CACNA1A: variants seen among roughly 807,000 people sequenced by gnomAD.
CACNA1A encodes the protein calcium voltage-gated channel subunit alpha1 A.
In CACNA1A, 57 loss-of-function variants were observed where a neutral mutation model predicts 262.4. That is an observed-to-expected ratio of 0.22 (90% CI 0.18 to 0.27). The LOEUF (loss-of-function observed/expected upper bound fraction) is 0.27, where lower values mean the gene tolerates loss of function less well. CACNA1A is among the 10% of genes least tolerant of loss of function. The pLI, the probability that CACNA1A is intolerant of heterozygous loss-of-function variation, is 1.00. For synonymous variants in CACNA1A, 1,431 were observed against 1,419.3 expected, an observed-to-expected ratio of 1.01 and a Z score of -0.18; for missense variants, 2,526 against 3,562.8, an observed-to-expected ratio of 0.71 and a Z score of 7.41.
intron 12 of CACNA1A, among the ~76,000 whole-genome samples, chr19:13,310,360 C>A (rs973614930): frequency 1.5e-5 from 2 of 137,272 alleles, no homozygotes; most frequent in African/African-American, 5.5e-5. Flanking sequence ...GAGGCTGAGG[C>A]GGGAGAATGG....
At chr19:13,265,768 C>A (rs1452999697) in intron 24 of CACNA1A, among the ~76,000 whole-genome samples, 1 of 152,128 alleles carries the variant, frequency 6.6e-6, no homozygotes, top group Admixed American at 6.5e-5. Context: ...TAACACCTCC[C>A]TAACACTTAG....
chr19:13,224,067 C>T (rs1260245526), intron 38 of CACNA1A, among the ~76,000 whole-genome samples: 7 of 151,890 alleles, frequency 4.6e-5, no homozygotes, highest in East Asian at 1.9e-4. Context: ...TTTGAGAGGT[C>T]GAGGCAGGTG....
intron 3 of CACNA1A, among the ~76,000 whole-genome samples, chr19:13,432,020 G>T (rs888522955): frequency 2.0e-5 from 3 of 148,308 alleles, no homozygotes; most frequent in Non-Finnish European, 4.4e-5. Context: ...CAGGAGAATC[G>T]CTTGAACCCG....
chr19:13,209,127 G>A, intron 45 of CACNA1A, 118 bp from the exon 46 acceptor site: 4 of 1,436,062 alleles, frequency 2.8e-6, no homozygotes, highest in Non-Finnish European at 3.7e-6. Context: ...CTGAACCGAG[G>A]CAGGTCAGTG....
chr19:13,353,867 T>C (rs1237160495), intron 6 of CACNA1A, among the ~76,000 whole-genome samples: 1 of 152,194 alleles, frequency 6.6e-6, no homozygotes, highest in Non-Finnish European at 1.5e-5. Flanking sequence ...CCTGATTGCC[T>C]GACCTAGACT....
chr19:13,223,838 C>A (rs115630547), intron 38 of CACNA1A, among the ~76,000 whole-genome samples: 1 of 152,096 alleles, frequency 6.6e-6, no homozygotes, highest in East Asian at 1.9e-4. Context: ...CCTGCTTGGA[C>A]GGGTCTCTGG....
At chr19:13,496,403 T>C (rs1029794125) in intron 1 of CACNA1A, among the ~76,000 whole-genome samples, 6 of 152,020 alleles carry the variant, frequency 3.9e-5, no homozygotes, top group African/African-American at 1.2e-4. Context: ...AGAGACAGTA[T>C]AGTTAGAGGA....
intron 3 of CACNA1A, among the ~76,000 whole-genome samples, chr19:13,402,673 T>C (rs929114665): frequency 3.4e-5 from 5 of 147,322 alleles, no homozygotes; most frequent in Non-Finnish European, 7.4e-5. Context: ...TCAATTATAA[T>C]TTCAACATCA....
rs1042740620 is a variant in CACNA1A at position 13,308,683 on chromosome 19, C to A, written c.1669-155G>T. The stretch of plus-strand genomic sequence containing the variant: ...TCCTTGACCCCCTCATTCATCCATT[C>A]ATTTATCTATAGAGACCGGGTCTCA... On this transcript the variant is annotated intron_variant, in intron 12 of 46. Transcript: ENST00000360228. The surrounding 1 kb of genome is among the most constrained non-coding windows in gnomAD (Gnocchi z 4.2). 1 of 579,008 alleles carries A rather than the reference C, an allele frequency of 1.7e-6. No individual in the cohort carries two copies. Among genetic ancestry groups the A allele is most frequent in the South Asian group, 2.2e-5 (1 of 44,822 alleles). The allele number at this position is 579,008 out of a possible 1,614,324, so 35.9% of individuals were successfully genotyped here. A position where few individuals can be genotyped will look rare whatever the true frequency, so the allele number is the denominator to read the frequency against.
At position 13,209,501 on chromosome 19, in the gene CACNA1A, G is replaced by T. The variant is rs759988082; in HGVS notation, c.6340-3C>A. On this transcript the variant is annotated splice_region_variant and splice_polypyrimidine_tract_variant and intron_variant, in intron 44 of 46. Transcript: ENST00000360228. ...ATGGGGCTGGTGTCTGAGATGGTCT[G>T]GGGGAGGGGACAGGCCGGTGGGCTG... 1.1e-5 allele frequency: 15 copies of T among 1,307,402 alleles called. No individual in the cohort carries two copies. Among genetic ancestry groups the T allele is most frequent in the Non-Finnish European group, 1.5e-5 (15 of 1,020,706 alleles). 81.0% of individuals were successfully genotyped at this position (1,307,402 alleles called of 1,614,324 possible). A position where few individuals can be genotyped will look rare whatever the true frequency, so the allele number is the denominator to read the frequency against.
chr19:13,506,478 A>G lies in CACNA1A; in HGVS notation c.-254T>C. On this transcript the variant is annotated 5_prime_UTR_variant, in exon 1 of 47. Transcript: ENST00000360228. ...GGGACATCTTCCTGGCTGACCCCGG[A>G]GAAGGAGGGGCGGGAGGAGGGTGCG... 5.3e-6 allele frequency: 1 copy of G among 187,190 alleles called. No individual in the cohort carries two copies. Among genetic ancestry groups the G allele is most frequent in the Non-Finnish European group, 9.8e-6 (1 of 101,778 alleles). The allele number at this position is 187,190 out of a possible 1,614,324, so 11.6% of individuals were successfully genotyped here.
At chr19:13,375,642 G>T (rs1351525744) in intron 3 of CACNA1A, among the ~76,000 whole-genome samples, 1 of 152,088 alleles carries the variant, frequency 6.6e-6, no homozygotes, top group Non-Finnish European at 1.5e-5. Flanking sequence ...AAAAAAATTA[G>T]CTGGGTGTGG....
At chr19:13,496,799 C>T (rs963664407) in intron 1 of CACNA1A, among the ~76,000 whole-genome samples, 1 of 152,188 alleles carries the variant, frequency 6.6e-6, no homozygotes, top group African/African-American at 2.4e-5. Flanking sequence ...ATAAGTCCAT[C>T]CATCTATCCA....
At chr19:13,283,592 G>T in intron 21 of CACNA1A, 196 bp from the exon 22 acceptor site, 1 of 588,270 alleles carries the variant, frequency 1.7e-6, no homozygotes, top group Non-Finnish European at 2.9e-6. Context: ...GGGGACCTCG[G>T]TGAGAGAAGA....
intron 31 of CACNA1A, among the ~76,000 whole-genome samples, chr19:13,242,893 G>T (rs2056118301): frequency 6.6e-6 from 1 of 152,176 alleles, no homozygotes; most frequent in South Asian, 2.1e-4. Flanking sequence ...AGGGCTGGGG[G>T]CTGTTTGGCT....
intron 6 of CACNA1A, among the ~76,000 whole-genome samples, chr19:13,357,210 G>A (rs1028723402): frequency 1.3e-5 from 2 of 152,162 alleles, no homozygotes; most frequent in African/African-American, 4.8e-5. Flanking sequence ...CATTTATGCC[G>A]GAGGTTGCAA....
chr19:13,498,344 A>T (rs974320562), intron 1 of CACNA1A, among the ~76,000 whole-genome samples: 1 of 152,188 alleles, frequency 6.6e-6, no homozygotes, highest in African/African-American at 2.4e-5. Context: ...AATCAGTTTA[A>T]AATTACATAT....
chr19:13,302,117 T>G (rs985538485), intron 17 of CACNA1A, among the ~76,000 whole-genome samples: 3 of 152,198 alleles, frequency 2.0e-5, no homozygotes, highest in African/African-American at 7.2e-5. Context: ...CCAGACGGCC[T>G]GGGTTCAAAT....
intron 3 of CACNA1A, among the ~76,000 whole-genome samples, chr19:13,409,676 G>T (rs1707524012): frequency 6.6e-6 from 1 of 152,094 alleles, no homozygotes; most frequent in African/African-American, 2.4e-5. Context: ...CTCCCGAATA[G>T]CTGGGACTAC....
Sources: gnomAD v4.1 joint callset for allele counts (sites outside exome capture counted in the v4.1 genomes callset) on GRCh38, gnomAD v4.1.1 for gene constraint, Gnocchi (gnomAD v3.1) non-coding constraint, MANE v1.5 for transcripts, NCBI Gene and HGNC (gene_info 2026-07-23, HGNC 2026-07-21) for gene names.